ROBO2: variants seen among roughly 807,000 people sequenced by gnomAD.
ROBO2 encodes roundabout homolog 2.
ROBO2 carries 53 observed loss-of-function variants against 160.8 expected under a neutral mutation model. The ratio of observed to expected loss-of-function variants is 0.33; its 90% CI spans 0.26 to 0.41. ROBO2 has a LOEUF of 0.41. ROBO2 is among the 10% of genes least tolerant of loss of function. The probability of loss-of-function intolerance (pLI) is 1.00; values close to 1 mark genes in which losing one functional copy is unlikely to be tolerated. For missense variants in ROBO2, 1,577 were observed against 1,722.4 expected (o/e 0.92, Z 1.49); for synonymous variants, 664 against 611.7 (o/e 1.09, Z -1.26).
intron 2 of ROBO2, among the ~76,000 whole-genome samples, chr3:76,374,932 TTTC>T (rs763075776): frequency 5.3e-5 from 8 of 150,518 alleles, no homozygotes; most frequent in South Asian, 2.1e-4. Context: ...TATCGTACGC[TTTC>T]TTCTTCTTTT....
intron 2 of ROBO2, among the ~76,000 whole-genome samples, chr3:76,351,223 T>C (rs2074854420): frequency 6.6e-6 from 1 of 151,940 alleles, no homozygotes; most frequent in African/African-American, 2.4e-5. Flanking sequence ...AATCATGTAA[T>C]ACATCCCTAA....
At chr3:76,106,829 T>A (rs1045952241) in intron 2 of ROBO2, among the ~76,000 whole-genome samples, 1 of 152,118 alleles carries the variant, frequency 6.6e-6, no homozygotes. Flanking sequence ...GTCTGATGAA[T>A]AGGGAAAATG....
chr3:76,210,238 AC>A (rs1179925603), intron 2 of ROBO2, among the ~76,000 whole-genome samples: 4 of 152,264 alleles, frequency 2.6e-5, no homozygotes, highest in African/African-American at 9.6e-5. Context: ...AAATAAAAAA[AC>A]ACATATTTCT....
At chr3:77,586,895 A>G (rs1304774360) in intron 16 of ROBO2, among the ~76,000 whole-genome samples, 1 of 150,298 alleles carries the variant, frequency 6.7e-6, no homozygotes, top group Non-Finnish European at 1.5e-5. Context: ...TTAAAGGCAG[A>G]CATAGTGGGA....
At chr3:77,456,897 T>C (rs1168618359) in intron 2 of ROBO2, among the ~76,000 whole-genome samples, 2 of 152,106 alleles carry the variant, frequency 1.3e-5, no homozygotes, top group Non-Finnish European at 1.5e-5. Context: ...ATGTGAGGCA[T>C]ATTTGGAGGG....
intron 5 of ROBO2, among the ~76,000 whole-genome samples, chr3:77,494,935 T>C (rs1170239246): frequency 6.6e-6 from 1 of 152,208 alleles, no homozygotes; most frequent in East Asian, 1.9e-4. Context: ...CATCATTGTG[T>C]TTGTTTCATC....
Position 77,098,380 on chromosome 3 carries a change from T to A in ROBO2, c.388+40T>A, listed in dbSNP as rs772076484. On this transcript the variant is annotated intron_variant, in intron 2 of 25. Transcript: ENST00000461745. ...TGAACCTCATGTGCACATTTACTTTTATTTATTTCAAGTAAGTTTTGATGT... is the reference window on the plus strand; with the variant it reads ...TGAACCTCATGTGCACATTTACTTTAATTTATTTCAAGTAAGTTTTGATGT... 1.1e-5 allele frequency: 17 copies of A among 1,593,642 alleles called. No homozygotes were observed. In the East Asian group the frequency reaches 3.6e-4, roughly 33 times the overall value.
At chr3:76,193,370 T>A (rs1001569366) in intron 2 of ROBO2, among the ~76,000 whole-genome samples, 1 of 152,148 alleles carries the variant, frequency 6.6e-6, no homozygotes, top group African/African-American at 2.4e-5. Context: ...AAGCCTGTCC[T>A]GTTACTTGCA....
chr3:77,410,531 C>T (rs145189947), intron 2 of ROBO2, among the ~76,000 whole-genome samples: 6,894 of 113,444 alleles, frequency 0.061, 340 homozygotes, highest in African/African-American at 0.14. Flanking sequence ...CCTCCTCTTC[C>T]TCCTCCTCTT....
At chr3:76,164,222 C>T (rs2072743133) in intron 2 of ROBO2, among the ~76,000 whole-genome samples, 1 of 152,164 alleles carries the variant, frequency 6.6e-6, no homozygotes, top group African/African-American at 2.4e-5. Flanking sequence ...TCAGGCTTCA[C>T]TTCTAACTCT....
intron 2 of ROBO2, among the ~76,000 whole-genome samples, chr3:76,194,386 A>ATATATATATATATATT (rs1702162843): frequency 7.0e-6 from 1 of 142,174 alleles, no homozygotes. Flanking sequence ...ATATATATAT[A>ATATATATATATATATT]GTGTGAGGAC....
At chr3:76,329,447 A>C (rs2073311911) in intron 2 of ROBO2, among the ~76,000 whole-genome samples, 1 of 152,142 alleles carries the variant, frequency 6.6e-6, no homozygotes, top group Admixed American at 6.5e-5. Context: ...CCAACTCCTG[A>C]CCTCAAGTGA....
intron 2 of ROBO2, among the ~76,000 whole-genome samples, chr3:77,211,535 T>C (rs1168092229): frequency 1.3e-5 from 2 of 152,242 alleles, no homozygotes; most frequent in Non-Finnish European, 2.9e-5. Flanking sequence ...TTCTGTTCAC[T>C]CTGATGGTAG....
At chr3:76,452,266 T>A (rs886104330) in intron 2 of ROBO2, among the ~76,000 whole-genome samples, 5 of 152,102 alleles carry the variant, frequency 3.3e-5, no homozygotes, top group Non-Finnish European at 5.9e-5. Flanking sequence ...CATGCTGGTG[T>A]GCTGCACCAA....
At chr3:77,023,351 G>T (rs995993039) in intron 2 of ROBO2, among the ~76,000 whole-genome samples, 2 of 152,082 alleles carry the variant, frequency 1.3e-5, no homozygotes, top group African/African-American at 4.8e-5. Flanking sequence ...CCAGTCTTGG[G>T]TATGTTTTTA....
intron 2 of ROBO2, among the ~76,000 whole-genome samples, chr3:75,978,040 A>G (rs1314133029): frequency 2.0e-5 from 3 of 151,592 alleles, no homozygotes; most frequent in Non-Finnish European, 4.4e-5. Context: ...ATTTTTCAAA[A>G]TAGTGATATA....
intron 2 of ROBO2, among the ~76,000 whole-genome samples, chr3:76,257,751 G>A: frequency 6.6e-6 from 1 of 151,746 alleles, no homozygotes; most frequent in South Asian, 2.1e-4. Flanking sequence ...TATTGTATGT[G>A]CTGATCGCTA....
At chr3:77,508,933 C>T (rs1370229227) in intron 5 of ROBO2, among the ~76,000 whole-genome samples, 2 of 151,872 alleles carry the variant, frequency 1.3e-5, no homozygotes, top group African/African-American at 2.4e-5. Context: ...TCTCAACTCT[C>T]ATAAGTTTGT....
At chr3:77,176,234 CA>C (rs1282945021) in intron 2 of ROBO2, among the ~76,000 whole-genome samples, 2 of 151,986 alleles carry the variant, frequency 1.3e-5, no homozygotes, top group Non-Finnish European at 2.9e-5. Flanking sequence ...GTGTTTAATT[CA>C]TCCAAAATCT....
Sources: allele counts gnomAD v4.1 joint callset (sites outside exome capture counted in the v4.1 genomes callset), GRCh38; gene constraint gnomAD v4.1.1; transcripts MANE v1.5; gene names NCBI Gene and HGNC (gene_info 2026-07-23, HGNC 2026-07-21).